The following E2F6 variants were observed in gnomAD, a reference collection of about 807,000 sequenced individuals.
E2F6 encodes transcription factor E2F6.
A neutral mutation model predicts 31.5 loss-of-function variants in E2F6; 19 were observed. The ratio of observed to expected loss-of-function variants is 0.60; its 90% CI spans 0.42 to 0.89. The LOEUF (loss-of-function observed/expected upper bound fraction) is 0.89, where lower values mean the gene tolerates loss of function less well. E2F6 is among the 40% of genes least tolerant of loss of function. The pLI, the probability that E2F6 is intolerant of heterozygous loss-of-function variation, is 0.00. For synonymous variants in E2F6, 121 were observed against 127.7 expected, an observed-to-expected ratio of 0.95 and a Z score of 0.36; for missense variants, 269 against 341.6, an observed-to-expected ratio of 0.79 and a Z score of 1.67.
At chr2:11,449,359 G>C (rs1433591160) in intron 5 of E2F6, among the ~76,000 whole-genome samples, 1 of 152,110 alleles carries the variant, frequency 6.6e-6, no homozygotes, top group East Asian at 1.9e-4. Flanking sequence ...CAATGCAGAG[G>C]GCTGCACTGT....
Position 11,453,812 on chromosome 2 carries a change from T to C in E2F6, c.164-14A>G, listed in dbSNP as rs191895672. ...CTTTTAGAGCTTCTGGGAAACAAAA[T>C]AAACATATTTGTAAAATTTTAAATA... On this transcript the variant is annotated splice_polypyrimidine_tract_variant and intron_variant, in intron 2 of 6. Coordinates refer to ENST00000381525, the MANE Select transcript of E2F6 (RefSeq NM_198256.4). 1.5e-5 allele frequency: 24 copies of C among 1,596,234 alleles called. No homozygotes were observed. Among genetic ancestry groups the C allele is most frequent in the Admixed American group, 1.2e-4 (7 of 58,282 alleles).
At chr2:11,460,666 G>C (rs943189185) in intron 1 of E2F6, among the ~76,000 whole-genome samples, 87 of 152,150 alleles carry the variant, frequency 5.7e-4, no homozygotes, top group Admixed American at 3.3e-4. Context: ...TTTGTTGCGT[G>C]AACATCATAG....
In E2F6 at chr2:11,451,819, A is replaced by C. The variant is rs928214799; in HGVS notation, c.381-13T>G. On this transcript the variant is annotated splice_polypyrimidine_tract_variant and intron_variant, in intron 3 of 6. Coordinates refer to ENST00000381525, the MANE Select transcript of E2F6 (RefSeq NM_198256.4). ...AAGATCAGATCCTCTTTAGAAGAAA[A>C]AAAATGTCAGCATCAATACCAACTA... 1.9e-6 allele frequency: 3 copies of C among 1,602,760 alleles called. No homozygotes were observed. The highest frequency in any genetic ancestry group is 1.7e-6 in the Non-Finnish European group (2 of 1,173,506).
At chr2:11,447,954 G>C (rs2148333430) in intron 5 of E2F6, among the ~76,000 whole-genome samples, 180 bp from the exon 6 acceptor site, 1 of 152,316 alleles carries the variant, frequency 6.6e-6, no homozygotes, top group South Asian at 2.1e-4. Context: ...AATGGCTTCA[G>C]AGCTATCATG....
chr2:11,459,054 A>G (rs1489445861), intron 1 of E2F6, among the ~76,000 whole-genome samples: 1 of 152,180 alleles, frequency 6.6e-6, no homozygotes, highest in Non-Finnish European at 1.5e-5. Context: ...CCCTCTGCTA[A>G]TAGTATGAGA....
chr2:11,455,278 T>C, intron 2 of E2F6: 2 of 1,031,612 alleles, frequency 1.9e-6, no homozygotes, highest in South Asian at 7.2e-5. Context: ...AATATATGAC[T>C]TTCTTTTTCT....
intron 2 of E2F6, among the ~76,000 whole-genome samples, chr2:11,454,232 C>G (rs1357948521): frequency 6.6e-6 from 1 of 152,132 alleles, no homozygotes; most frequent in African/African-American, 2.4e-5. Context: ...TTTTTTTCCC[C>G]TTTTAATGAC....
intron 3 of E2F6, among the ~76,000 whole-genome samples, chr2:11,453,071 A>G (rs879924595): frequency 1.3e-5 from 2 of 152,226 alleles, no homozygotes; most frequent in Admixed American, 1.3e-4. Flanking sequence ...GTGTGCACAC[A>G]CAGATACCTT....
rs1012465585 is a variant in E2F6, at chr2:11,444,894, T to C, written c.*1583A>G. The C allele has an allele frequency of 2.6e-5, 4 of 152,266 alleles. No individual in the cohort carries two copies. The highest frequency in any genetic ancestry group is 7.2e-5 in the African/African-American group (3 of 41,462). 9.4% of individuals were successfully genotyped at this position (152,266 alleles called of 1,614,324 possible). A position where few individuals can be genotyped will look rare whatever the true frequency, so the allele number is the denominator to read the frequency against. On this transcript the variant is annotated 3_prime_UTR_variant, in exon 7 of 7. Transcript: ENST00000381525. Reference sequence around the variant, plus strand: ...ACAGTACGACCCACCAGTCCAGTGATGATCAGCAGTGCCCCCTGCAGCTTT... The same window carrying C: ...ACAGTACGACCCACCAGTCCAGTGACGATCAGCAGTGCCCCCTGCAGCTTT...
At chr2:11,452,282 A>G (rs1348304698) in intron 3 of E2F6, among the ~76,000 whole-genome samples, 3 of 152,210 alleles carry the variant, frequency 2.0e-5, no homozygotes, top group African/African-American at 7.2e-5. Context: ...GTCTGAATAT[A>G]ATGATTATAT....
rs188947988 is a variant in E2F6 at position 11,444,909 on chromosome 2, C to G, written c.*1568G>C. ...AGTCCAGTGATGATCAGCAGTGCCC[C>G]CTGCAGCTTTTCTTTGGCTAATTTC... On this transcript the variant is annotated 3_prime_UTR_variant, in exon 7 of 7. Transcript: ENST00000381525. 7.2e-4 allele frequency: 110 copies of G among 152,332 alleles called. 1 individual carries two copies. The highest frequency in any genetic ancestry group is 2.6e-3 in the African/African-American group (109 of 41,572). The allele number at this position is 152,332 out of a possible 1,614,324, so 9.4% of individuals were successfully genotyped here.
chr2:11,456,552 G>A (rs2148350439), intron 2 of E2F6, among the ~76,000 whole-genome samples: 1 of 152,162 alleles, frequency 6.6e-6, no homozygotes, highest in East Asian at 1.9e-4. Flanking sequence ...ATTTTGAAAG[G>A]TCATTGTGAC....
rs1670645223 is a variant in E2F6 at position 11,445,205 on chromosome 2, A to T, written c.*1272T>A. On this transcript the variant is annotated 3_prime_UTR_variant, in exon 7 of 7. Coordinates refer to ENST00000381525, the MANE Select transcript of E2F6 (RefSeq NM_198256.4). ...TGAAGTCGCTTCAAATATTTCTTTA[A>T]AAGCAATATTCAAACGATACAGGAA... 1 of 152,232 alleles carries T rather than the reference A, an allele frequency of 6.6e-6. No homozygotes were observed. The highest frequency in any genetic ancestry group is 2.4e-5 in the African/African-American group (1 of 41,446). The allele number at this position is 152,232 out of a possible 1,614,324, so 9.4% of individuals were successfully genotyped here.
chr2:11,457,349 G>A (rs1367967927), intron 1 of E2F6, 116 bp from the exon 2 acceptor site: 2 of 694,164 alleles, frequency 2.9e-6, no homozygotes, highest in Non-Finnish European at 2.4e-6. Context: ...TTACTGGCTG[G>A]GCAGAGGCTC....
Position 11,465,930 on chromosome 2 carries a change from C to T in E2F6, c.-51G>A, listed in dbSNP as rs1380733953. On this transcript the variant is annotated 5_prime_UTR_variant, in exon 1 of 7. Transcript: ENST00000381525. ...CCTCGCACCCCACGAGCTCTCCCGCCCTCTCGCGCTCAGCTCGAGCACCGC... is the reference window on the plus strand; with the variant it reads ...CCTCGCACCCCACGAGCTCTCCCGCTCTCTCGCGCTCAGCTCGAGCACCGC... 10 of 1,452,298 alleles carry T rather than the reference C, an allele frequency of 6.9e-6. No homozygotes were observed. Among genetic ancestry groups the T allele is most frequent in the African/African-American group, 1.4e-5 (1 of 69,156 alleles). 90.0% of individuals were successfully genotyped at this position (1,452,298 alleles called of 1,614,324 possible). A position where few individuals can be genotyped will look rare whatever the true frequency, so the allele number is the denominator to read the frequency against.
In E2F6 at chr2:11,447,711, C is replaced by A. The variant is rs776759468; in HGVS notation, c.715G>T (p.Glu239Ter). 6.2e-7 allele frequency: 1 copy of A among 1,612,176 alleles called. No homozygotes were observed. The highest frequency in any genetic ancestry group is 1.7e-5 in the Admixed American group (1 of 60,016). Residue 239 changes from glutamate to a stop codon, truncating the protein, a stop_gained, in exon 6 of 7, where the codon GAG becomes TAG. Transcript: ENST00000381525. LOFTEE classifies it high-confidence loss of function. ...GPIDVYLCEV[E>*]QGQTSNKRSE... ...CTTTTGTTACTGGTCTGACCCTGCT[C>A]CACTTCACACAAATAGACATCGATA... is the stretch of plus-strand genomic sequence containing the variant.
intron 2 of E2F6, among the ~76,000 whole-genome samples, chr2:11,454,762 T>TAC (rs1322422877): frequency 6.6e-6 from 1 of 151,774 alleles, no homozygotes; most frequent in Non-Finnish European, 1.5e-5. Context: ...GGGGTTTTCA[T>TAC]ACACACACAC....
chr2:11,451,588 C>G, intron 4 of E2F6, 63 bp downstream of exon 4: 1 of 1,473,984 alleles, frequency 6.8e-7, no homozygotes, highest in Non-Finnish European at 9.1e-7. Context: ...CAAGCTGACT[C>G]TACTACTTAA....
At chr2:11,464,472 A>C (rs1183383154) in intron 1 of E2F6, among the ~76,000 whole-genome samples, 1 of 146,088 alleles carries the variant, frequency 6.8e-6, no homozygotes, top group South Asian at 2.2e-4. Flanking sequence ...AACCGAGATC[A>C]GGCCACTGCA....
Sources: allele counts gnomAD v4.1 joint callset (sites outside exome capture counted in the v4.1 genomes callset), GRCh38; gene constraint gnomAD v4.1.1; transcripts MANE v1.5; gene names NCBI Gene and HGNC (gene_info 2026-07-23, HGNC 2026-07-21).